SLC37A1: variants seen among roughly 807,000 people sequenced by gnomAD.
The protein encoded by SLC37A1 is glucose-6-phosphate exchanger SLC37A1.
In SLC37A1, 49 loss-of-function variants were observed where a neutral mutation model predicts 75.3. The observed-to-expected ratio is 0.65, with a 90% CI of 0.52 to 0.83. SLC37A1 has a LOEUF of 0.83. SLC37A1 is among the 40% of genes least tolerant of loss of function. The pLI is 0.00. For synonymous variants in SLC37A1, 268 were observed against 292.1 expected, an observed-to-expected ratio of 0.92 and a Z score of 0.84; for missense variants, 566 against 695.0, an observed-to-expected ratio of 0.81 and a Z score of 2.09.
chr21:42,515,055 T>TCAG, intron 1 of SLC37A1: 2 of 152,384 alleles, frequency 1.3e-5, no homozygotes, highest in African/African-American at 4.8e-5. Context: ...GACCTGCATT[T>TCAG]ACACGTTCTG....
chr21:42,558,825 C>A, intron 10 of SLC37A1, 133 bp from the exon 11 acceptor site: 1 of 1,093,936 alleles, frequency 9.1e-7, no homozygotes, highest in Non-Finnish European at 1.3e-6. Context: ...GGGAATGTCA[C>A]CCAGGATGTC....
chr21:42,575,304 A>T lies in SLC37A1; in HGVS notation c.1521+389A>T, dbSNP rs1049836105. On this transcript the variant is annotated intron_variant, in intron 18 of 19. Transcript: ENST00000352133. ...AAGATTGTTGTGGGAATTAAAGCAG[A>T]TGATACACAGAGCCTGGCCTCCCAG... 27 of 985,368 alleles carry T rather than the reference A, an allele frequency of 2.7e-5. No individual in the cohort carries two copies. The African/African-American group carries it at 4.0e-4, about 15-fold the overall frequency. 61.0% of individuals were successfully genotyped at this position (985,368 alleles called of 1,614,324 possible).
chr21:42,518,142 CCTG>C, intron 1 of SLC37A1, 132 bp from the exon 2 acceptor site: 1 of 357,986 alleles, frequency 2.8e-6, no homozygotes, highest in South Asian at 2.9e-5. Context: ...GGTGGGGGCC[CCTG>C]CTTGTATCAG....
chr21:42,555,850 C>T (rs1183880076), intron 10 of SLC37A1, among the ~76,000 whole-genome samples: 1 of 152,340 alleles, frequency 6.6e-6, no homozygotes, highest in South Asian at 2.1e-4. Flanking sequence ...CTGAGGGTGA[C>T]GACCACAACC....
At chr21:42,530,623 CACACACACACACACACACACACACACACA>C (rs2054926752) in intron 3 of SLC37A1, among the ~76,000 whole-genome samples, 2 of 93,654 alleles carry the variant, frequency 2.1e-5, no homozygotes, top group Non-Finnish European at 4.9e-5. Context: ...CACACACACA[CACACACACACACACACACACACACACACA>C]CACCCCCTCT....
chr21:42,535,507 G>A lies in SLC37A1; in HGVS notation c.307G>A (p.Asp103Asn), dbSNP rs1398319279. ...CTATCAGCAGCTGCTTGGGGCCCTG[G>A]ACTACTCCTTCCTGTGCGCCTATGC... ...NNYQQLLGAL[D>N]YSFLCAYAVG... The change falls in exon 5 of 20, where the codon GAC becomes AAC. Residue 103 changes from aspartate (D) to asparagine (N), a missense_variant. Coordinates refer to ENST00000352133, the MANE Select transcript of SLC37A1 (RefSeq NM_001320537.2). 1.2e-6 allele frequency: 2 copies of A among 1,614,194 alleles called. No individual in the cohort carries two copies. Among genetic ancestry groups the A allele is most frequent in the South Asian group, 1.1e-5 (1 of 91,084 alleles).
upstream of SLC37A1, among the ~76,000 whole-genome samples, chr21:42,509,045 C>G (rs1311937986): frequency 6.6e-6 from 1 of 152,136 alleles, no homozygotes; most frequent in East Asian, 1.9e-4. The surrounding 1 kb of genome is among the most constrained non-coding windows in gnomAD (Gnocchi z 4.2). Flanking sequence ...GTTGATATTT[C>G]TTTAAATATC....
Position 42,580,426 on chromosome 21 carries a change from T to C in SLC37A1, c.*66T>C. 6.4e-7 allele frequency: 1 copy of C among 1,564,696 alleles called. No homozygotes were observed. Among genetic ancestry groups the C allele is most frequent in the South Asian group, 1.2e-5 (1 of 85,608 alleles). On this transcript the variant is annotated 3_prime_UTR_variant, in exon 20 of 20. Coordinates refer to ENST00000352133, the MANE Select transcript of SLC37A1 (RefSeq NM_001320537.2). ...TTCACAACTGCCTTTCAAGGACAGT[T>C]CAGACAAAGGGCCCTGCATGGAAAG...
intron 1 of SLC37A1, among the ~76,000 whole-genome samples, chr21:42,516,600 A>G (rs1221079167): frequency 1.3e-5 from 2 of 152,232 alleles, no homozygotes; most frequent in Non-Finnish European, 2.9e-5. Context: ...GAGAATTTAT[A>G]GCACTTTTCT....
In SLC37A1 at chr21:42,564,773, C is replaced by A. The variant is rs779923540; in HGVS notation, c.1201C>A (p.Leu401Met). ...AAGGGCCTCCACCTGCGGCCTGATG[C>A]TGCTGCTCGCGGCCCCCACGGTCAG... ...EKRASTCGLMLLLAAPTLYIF... is the reference protein window; with the variant it reads ...EKRASTCGLMMLLAAPTLYIF... Residue 401 changes from leucine to methionine, a missense_variant, in exon 14 of 20, where the codon CTG (leucine) becomes ATG (methionine). By Grantham distance (15) the Leu-to-Met change is conservative. Transcript: ENST00000352133. The A allele has an allele frequency of 1.9e-6, 3 of 1,607,014 alleles. No individual in the cohort carries two copies. The highest frequency in any genetic ancestry group is 2.5e-6 in the Non-Finnish European group (3 of 1,179,964).
rs1239524342 is a variant in SLC37A1, at chr21:42,548,321, G to T, written c.768+1181G>T. Among the ~76,000 whole-genome samples, 1 of 152,130 alleles carries T rather than the reference G, an allele frequency of 6.6e-6. No individual in the cohort carries two copies. The highest frequency in any genetic ancestry group is 2.1e-4 in the South Asian group (1 of 4,830). On this transcript the variant is annotated intron_variant, in intron 9 of 19. Coordinates refer to ENST00000352133, the MANE Select transcript of SLC37A1 (RefSeq NM_001320537.2). The surrounding 1 kb of genome is among the most constrained non-coding windows in gnomAD (Gnocchi z 5.6). ...AACCTTCCCACGGAGATGTCTGAGTGTCCTTCAGACTTAACACGACTGGAG... is the reference window on the plus strand; with the variant it reads ...AACCTTCCCACGGAGATGTCTGAGTTTCCTTCAGACTTAACACGACTGGAG...
rs2055439078 is a variant in SLC37A1, at chr21:42,547,460, C to CGG, written c.768+323_768+324dup. 3.4e-6 allele frequency: 1 copy of CGG among 295,824 alleles called. No homozygotes were observed. The allele number at this position is 295,824 out of a possible 1,614,324, so 18.3% of individuals were successfully genotyped here. On this transcript the variant is annotated intron_variant, in intron 9 of 19. Coordinates refer to ENST00000352133, the MANE Select transcript of SLC37A1 (RefSeq NM_001320537.2). This position sits in a 1 kb window ranked among gnomAD's most constrained non-coding sequence, Gnocchi z 6.1. Reference sequence around the variant, plus strand: ...GGTTTCCCCAGGGGCCTCAGTGTGACGGGGAAAAACGCACGTGTCAGCTGC... The same window carrying CGG: ...GGTTTCCCCAGGGGCCTCAGTGTGACGGGGGGAAAAACGCACGTGTCAGCTGC...
intron 13 of SLC37A1, among the ~76,000 whole-genome samples, chr21:42,564,223 CAA>C (rs59155326): frequency 5.0e-5 from 4 of 79,970 alleles, no homozygotes; most frequent in Admixed American, 1.6e-4. Context: ...CCCCTCTCTA[CAA>C]AAAAAAAAAA....
chr21:42,552,971 G>C lies in SLC37A1; in HGVS notation c.769-1091G>C, dbSNP rs1020500699. 1.3e-5 allele frequency among the ~76,000 whole-genome samples: 2 copies of C among 152,202 alleles called. No individual in the cohort carries two copies. The highest frequency in any genetic ancestry group is 6.5e-5 in the Admixed American group (1 of 15,284). ...CCCTCCCTCTGAGCACAAAACAAAT[G>C]TATTTTTAAAGGTGTTTTGTTACAT... On this transcript the variant is annotated intron_variant, in intron 9 of 19. Coordinates refer to ENST00000352133, the MANE Select transcript of SLC37A1 (RefSeq NM_001320537.2). The surrounding 1 kb of genome is among the most constrained non-coding windows in gnomAD (Gnocchi z 4.2).
rs79334525 is a variant in SLC37A1 at position 42,559,155 on chromosome 21, G to A, written c.981+66G>A. ...TGTGCTGGCTGTGGGAAGTCTGGTC[G>A]GTTGATGATTAAGCTTAAAAAGACA... On this transcript the variant is annotated intron_variant, in intron 11 of 19. Transcript: ENST00000352133. 0.085 allele frequency: 132,993 copies of A among 1,555,940 alleles called. 6,564 individuals carry two copies. The highest frequency in any genetic ancestry group is 0.099 in the Non-Finnish European group (114,370 of 1,153,666).
intron 18 of SLC37A1, chr21:42,575,907 G>T (rs2056297943): frequency 1.0e-6 from 1 of 985,270 alleles, no homozygotes; most frequent in Non-Finnish European, 1.2e-6. Flanking sequence ...GAAGCCTCCA[G>T]ATGGATTTCC....
chr21:42,534,629 C>T (rs2055084765), intron 3 of SLC37A1, 69 bp from the exon 4 acceptor site: 1 of 1,547,588 alleles, frequency 6.5e-7, no homozygotes, highest in Non-Finnish European at 8.8e-7. Context: ...CTGTTCCTCT[C>T]TGTGCCCCAT....
chr21:42,543,497 T>C lies in SLC37A1; in HGVS notation c.625T>C (p.Leu209=), dbSNP rs1339908139. 2 of 1,614,100 alleles carry C rather than the reference T, an allele frequency of 1.2e-6. No individual in the cohort carries two copies. The highest frequency in any genetic ancestry group is 1.3e-5 in the African/African-American group (1 of 74,948). ...HTSVGNILGS[L]IAGYWVSTCW... ...CTCCGTGGGCAACATCTTGGGGTCA[T>C]TGATCGCTGGCTACTGGGTGTCCAC... The change falls in exon 8 of 20, where the codon TTG becomes CTG. Residue 209 remains leucine (L), a synonymous_variant. Transcript: ENST00000352133.
Position 42,559,050 on chromosome 21 carries a change from C to A in SLC37A1, c.942C>A (p.Gly314=), listed in dbSNP as rs148297810. 130 of 1,613,442 alleles carry A rather than the reference C, an allele frequency of 8.1e-5. No homozygotes were observed. In the African/African-American group the frequency reaches 1.5e-3, roughly 18 times the overall value. The change falls in exon 11 of 20, where the codon GGC becomes GGA. Residue 314 remains glycine, a synonymous_variant. Transcript: ENST00000352133. ...VVILPGDGGS[G]TAAISFTGAL... is the part of the protein sequence containing the mutation. ...TTCTCCCCGGGGACGGTGGGAGTGG[C>A]ACGGCCGCCATCAGCTTCACAGGGG...
Sources: gnomAD v4.1 joint callset for allele counts (sites outside exome capture counted in the v4.1 genomes callset) on GRCh38, gnomAD v4.1.1 for gene constraint, Gnocchi (gnomAD v3.1) non-coding constraint, MANE v1.5 for transcripts, NCBI Gene and HGNC (gene_info 2026-07-23, HGNC 2026-07-21) for gene names.